Variants in KHDRBS2 observed in about 807,000 individuals in gnomAD.
KHDRBS2 encodes KH RNA binding domain containing, signal transduction associated 2, also known as KH domain-containing, RNA-binding, signal transduction-associated protein 2.
A neutral mutation model predicts 44.3 loss-of-function variants in KHDRBS2; 26 were observed. The ratio of observed to expected loss-of-function variants is 0.59; its 90% CI spans 0.43 to 0.81. The LOEUF is 0.81. Among genes scored for constraint, KHDRBS2 ranks in the 40% least tolerant of loss-of-function variants. The probability of loss-of-function intolerance (pLI) is 0.00; values close to 1 mark genes in which losing one functional copy is unlikely to be tolerated. For missense variants in KHDRBS2, 476 were observed against 433.1 expected (o/e 1.10, Z -0.88); for synonymous variants, 194 against 151.1 (o/e 1.28, Z -2.08).
the KHDRBS2 span, among the ~76,000 whole-genome samples, chr6:61,606,994 AC>A: frequency 6.6e-6 from 1 of 152,216 alleles, no homozygotes; most frequent in African/African-American, 2.4e-5. Flanking sequence ...GGAAATTAAA[AC>A]CATAAAATAG....
intron 3 of KHDRBS2, among the ~76,000 whole-genome samples, chr6:62,014,486 A>G (rs1168121718): frequency 6.6e-6 from 1 of 152,152 alleles, no homozygotes; most frequent in Non-Finnish European, 1.5e-5. Flanking sequence ...GTTTCCTGAA[A>G]GTATAAACAT....
At chr6:61,979,742 A>G (rs1311405194) in intron 3 of KHDRBS2, among the ~76,000 whole-genome samples, 1 of 152,118 alleles carries the variant, frequency 6.6e-6, no homozygotes. Flanking sequence ...AGGCAACACT[A>G]CACTGAATGA....
chr6:62,078,890 C>T (rs1420618292), intron 2 of KHDRBS2, among the ~76,000 whole-genome samples: 1 of 151,952 alleles, frequency 6.6e-6, no homozygotes, highest in Non-Finnish European at 1.5e-5. Context: ...TTGTGTGTCA[C>T]TGTTGGAAGA....
intron 2 of KHDRBS2, among the ~76,000 whole-genome samples, chr6:62,146,565 T>C (rs911611679): frequency 1.6e-4 from 24 of 151,872 alleles, no homozygotes; most frequent in Non-Finnish European, 4.4e-5. Flanking sequence ...CTGTAAAATA[T>C]GTTCCTGTAA....
At chr6:62,073,985 A>G (rs1465928958) in intron 2 of KHDRBS2, among the ~76,000 whole-genome samples, 2 of 151,732 alleles carry the variant, frequency 1.3e-5, no homozygotes, top group African/African-American at 4.8e-5. Context: ...CACTTTTTCT[A>G]CGGAAACATA....
chr6:61,616,155 G>T, the KHDRBS2 span, among the ~76,000 whole-genome samples: 1 of 152,120 alleles, frequency 6.6e-6, no homozygotes, highest in Non-Finnish European at 1.5e-5. Flanking sequence ...TGAACTAGCA[G>T]CATCATTGAA....
At chr6:62,230,067 G>A (rs1832651510) in intron 1 of KHDRBS2, among the ~76,000 whole-genome samples, 1 of 152,190 alleles carries the variant, frequency 6.6e-6, no homozygotes. Flanking sequence ...CTGTAGCGGT[G>A]GTGGGCAAGC....
rs540538799 is a variant in KHDRBS2, at chr6:61,702,146, T to C, written c.894-4893A>G. Reference sequence around the variant, plus strand: ...TCGTTGTTCCCCTCTACAACCAATCTGTCCCTTATTCCATAAGAGATACTG... The same window carrying C: ...TCGTTGTTCCCCTCTACAACCAATCCGTCCCTTATTCCATAAGAGATACTG... On this transcript the variant is annotated intron_variant, in intron 7 of 8. Coordinates refer to ENST00000281156, the MANE Select transcript of KHDRBS2 (RefSeq NM_152688.4). 2.6e-5 allele frequency among the ~76,000 whole-genome samples: 4 copies of C among 152,080 alleles called. No homozygotes were observed. In the East Asian group the frequency reaches 7.8e-4, roughly 29 times the overall value.
At chr6:62,106,107 C>G (rs1348053208) in intron 2 of KHDRBS2, among the ~76,000 whole-genome samples, 2 of 152,054 alleles carry the variant, frequency 1.3e-5, no homozygotes, top group Admixed American at 6.5e-5. Flanking sequence ...TTTCTTAATC[C>G]TGAGTTCTAG....
At chr6:62,264,170 G>A (rs951399434) in intron 1 of KHDRBS2, among the ~76,000 whole-genome samples, 1 of 151,682 alleles carries the variant, frequency 6.6e-6, no homozygotes, top group African/African-American at 2.4e-5. Context: ...ATGTCCCAAA[G>A]TCAGCAAATA....
At chr6:61,569,479 A>C in the KHDRBS2 span, among the ~76,000 whole-genome samples, 1 of 152,202 alleles carries the variant, frequency 6.6e-6, no homozygotes, top group East Asian at 1.9e-4. Flanking sequence ...AGGCCAGTCA[A>C]CTCAGGCCAT....
chr6:61,908,689 C>T (rs1425338206), intron 4 of KHDRBS2, among the ~76,000 whole-genome samples: 1 of 151,152 alleles, frequency 6.6e-6, no homozygotes, highest in South Asian at 2.1e-4. Flanking sequence ...ATATGTATTC[C>T]ATTTTTCTGG....
chr6:61,836,515 A>G (rs572713377), intron 6 of KHDRBS2, among the ~76,000 whole-genome samples: 2 of 152,136 alleles, frequency 1.3e-5, no homozygotes, highest in African/African-American at 2.4e-5. Flanking sequence ...GGTGGGACAC[A>G]TTTTTAATGC....
At chr6:61,710,455 A>T (rs1770311328) in intron 7 of KHDRBS2, among the ~76,000 whole-genome samples, 1 of 151,634 alleles carries the variant, frequency 6.6e-6, no homozygotes, top group Admixed American at 6.6e-5. Flanking sequence ...ATTCCTTAGC[A>T]TTGAGCACAA....
chr6:62,228,457 C>A (rs1272339945), intron 1 of KHDRBS2, among the ~76,000 whole-genome samples: 1 of 151,748 alleles, frequency 6.6e-6, no homozygotes, highest in African/African-American at 2.4e-5. Context: ...GTTTTGTTAT[C>A]TTATTTTTTC....
chr6:62,027,883 T>C (rs1416832403), intron 3 of KHDRBS2, among the ~76,000 whole-genome samples: 1 of 152,060 alleles, frequency 6.6e-6, no homozygotes, highest in Non-Finnish European at 1.5e-5. Flanking sequence ...AACAAACCAA[T>C]AATCTAGTTA....
chr6:62,101,469 G>T (rs1262733591), intron 2 of KHDRBS2, among the ~76,000 whole-genome samples: 1 of 152,166 alleles, frequency 6.6e-6, no homozygotes, highest in Non-Finnish European at 1.5e-5. Context: ...CTGCTGTGTT[G>T]TGAATATATG....
intron 1 of KHDRBS2, among the ~76,000 whole-genome samples, chr6:62,199,426 C>T (rs767240863): frequency 6.6e-6 from 1 of 152,114 alleles, no homozygotes; most frequent in Non-Finnish European, 1.5e-5. Context: ...AAATCACAAG[C>T]GTTCTTATAC....
At chr6:61,594,255 T>A in the KHDRBS2 span, among the ~76,000 whole-genome samples, 2 of 146,632 alleles carry the variant, frequency 1.4e-5, no homozygotes, top group African/African-American at 2.5e-5. Context: ...AACAAAAAAA[T>A]ATAAAAATCA....
Sources: gnomAD v4.1 joint callset for allele counts (sites outside exome capture counted in the v4.1 genomes callset) on GRCh38, gnomAD v4.1.1 for gene constraint, MANE v1.5 for transcripts, NCBI Gene and HGNC (gene_info 2026-07-23, HGNC 2026-07-21) for gene names.